Variants in ANKS1B observed in about 807,000 individuals in gnomAD.
ANKS1B encodes the protein ankyrin repeat and sterile alpha motif domain containing 1B.
In ANKS1B, 36 loss-of-function variants were observed where a neutral mutation model predicts 148.3. That is an observed-to-expected ratio of 0.24 (90% CI 0.19 to 0.32). The LOEUF (loss-of-function observed/expected upper bound fraction) is 0.32, where lower values mean the gene tolerates loss of function less well. Among genes scored for constraint, ANKS1B ranks in the 10% least tolerant of loss-of-function variants. ANKS1B has a pLI of 1.00. For synonymous variants in ANKS1B, 542 were observed against 560.8 expected, an observed-to-expected ratio of 0.97 and a Z score of 0.47; for missense variants, 1,157 against 1,542.6, an observed-to-expected ratio of 0.75 and a Z score of 4.19.
At chr12:99,877,611 T>C (rs1187947739) in intron 1 of ANKS1B, among the ~76,000 whole-genome samples, 1 of 152,262 alleles carries the variant, frequency 6.6e-6, no homozygotes, top group Admixed American at 6.5e-5. Flanking sequence ...ATTTTAACAA[T>C]GTAAACAATT....
At chr12:98,933,199 TTGACAATTTCAGATG>T (rs2099815282) in intron 17 of ANKS1B, among the ~76,000 whole-genome samples, 1 of 152,186 alleles carries the variant, frequency 6.6e-6, no homozygotes, top group Non-Finnish European at 1.5e-5. Context: ...TTCTATGAGT[TTGACAATTTCAGATG>T]CCTTACACAA....
intron 12 of ANKS1B, among the ~76,000 whole-genome samples, chr12:99,319,933 T>C (rs2084917935): frequency 6.6e-6 from 1 of 152,224 alleles, no homozygotes. Flanking sequence ...AAGGATTTTA[T>C]TTATCCTTCA....
chr12:99,369,845 G>GATAGAT (rs1382454555), intron 12 of ANKS1B, among the ~76,000 whole-genome samples: 5 of 134,760 alleles, frequency 3.7e-5, no homozygotes, highest in Non-Finnish European at 6.4e-5. Flanking sequence ...CAGACAGACA[G>GATAGAT]AGACAGATAG....
At position 99,484,718 on chromosome 12, in the gene ANKS1B, G is replaced by A. The variant is rs372784946; in HGVS notation, c.1438+19758C>T. Among the ~76,000 whole-genome samples the A allele has an allele frequency of 2.7e-5, 4 of 146,368 alleles. No homozygotes were observed. In the East Asian group the frequency reaches 8.0e-4, roughly 29 times the overall value. Reference sequence around the variant, plus strand: ...GATGGTAATATCTTTTTGCTGGGTTGACCCTTTTATCATTATATAGTGACC... The same window carrying A: ...GATGGTAATATCTTTTTGCTGGGTTAACCCTTTTATCATTATATAGTGACC... On this transcript the variant is annotated intron_variant, in intron 10 of 26. Coordinates refer to ENST00000683438, the MANE Select transcript of ANKS1B (RefSeq NM_001352186.2).
chr12:99,465,550 C>T (rs940885475), intron 10 of ANKS1B, among the ~76,000 whole-genome samples: 1 of 151,948 alleles, frequency 6.6e-6, no homozygotes, highest in Non-Finnish European at 1.5e-5. Flanking sequence ...GGAAACCCAT[C>T]TCACGTGCAG....
At chr12:99,550,093 C>T (rs962105915) in intron 9 of ANKS1B, among the ~76,000 whole-genome samples, 5 of 152,184 alleles carry the variant, frequency 3.3e-5, no homozygotes, top group Non-Finnish European at 5.9e-5. Flanking sequence ...CTTTTACCCT[C>T]GCCTTCCCTT....
At chr12:99,318,299 C>T (rs1222176568) in intron 12 of ANKS1B, among the ~76,000 whole-genome samples, 1 of 152,120 alleles carries the variant, frequency 6.6e-6, no homozygotes, top group Admixed American at 6.6e-5. Flanking sequence ...TAGTCCTGGA[C>T]TTTTTTTGGT....
intron 4 of ANKS1B, among the ~76,000 whole-genome samples, chr12:99,794,841 T>C (rs917388860): frequency 2.6e-5 from 4 of 151,876 alleles, no homozygotes; most frequent in African/African-American, 7.2e-5. Context: ...TAAAAATAAA[T>C]AATTGTAACA....
At chr12:99,114,554 C>A (rs2060936211) in intron 15 of ANKS1B, among the ~76,000 whole-genome samples, 1 of 152,070 alleles carries the variant, frequency 6.6e-6, no homozygotes. Context: ...AAGTTTGAGA[C>A]CAGCTTGGCC....
intron 14 of ANKS1B, among the ~76,000 whole-genome samples, chr12:99,210,321 C>T (rs2153910597): frequency 6.6e-6 from 1 of 152,298 alleles, no homozygotes; most frequent in East Asian, 1.9e-4. Context: ...GATGCCAAAA[C>T]AAGACTCTGT....
chr12:99,100,677 A>T (rs769857077), intron 15 of ANKS1B, among the ~76,000 whole-genome samples: 2 of 152,158 alleles, frequency 1.3e-5, no homozygotes, highest in Non-Finnish European at 2.9e-5. Context: ...TTACAGGCAC[A>T]TGCCATCACG....
intron 9 of ANKS1B, among the ~76,000 whole-genome samples, chr12:99,510,163 G>A (rs1356740433): frequency 3.9e-5 from 6 of 151,976 alleles, no homozygotes; most frequent in African/African-American, 1.4e-4. Context: ...CTCTGATAGA[G>A]CTGTACGAAG....
chr12:99,157,533 T>C (rs892566888), intron 14 of ANKS1B, among the ~76,000 whole-genome samples: 3 of 152,154 alleles, frequency 2.0e-5, no homozygotes, highest in Non-Finnish European at 4.4e-5. Flanking sequence ...TAAATGATAT[T>C]GGAAATGCCT....
chr12:99,058,458 A>G (rs2041064218), intron 16 of ANKS1B, among the ~76,000 whole-genome samples: 1 of 151,978 alleles, frequency 6.6e-6, no homozygotes, highest in Middle Eastern at 3.2e-3. Context: ...CGTGTTGCCC[A>G]GGCTGGTCTC....
intron 17 of ANKS1B, among the ~76,000 whole-genome samples, chr12:98,896,737 T>C (rs1305786535): frequency 6.6e-6 from 1 of 152,222 alleles, no homozygotes; most frequent in Non-Finnish European, 1.5e-5. Context: ...GGAGGCATGT[T>C]TGACTATCTT....
Position 99,962,809 on chromosome 12 carries a change from GC to G in ANKS1B, c.134+21294del, listed in dbSNP as rs1328500590. On this transcript the variant is annotated intron_variant, in intron 1 of 26. Coordinates refer to ENST00000683438, the MANE Select transcript of ANKS1B (RefSeq NM_001352186.2). ...TTTCTCTAATGATCAGTGATGTTGA[GC>G]TTTTTTTTTTTTTTTTTTTTTGAGA... is the stretch of plus-strand genomic sequence containing the variant. Among the ~76,000 whole-genome samples the G allele has an allele frequency of 5.9e-3, 852 of 144,814 alleles. 2 individuals carry two copies. The highest frequency in any genetic ancestry group is 0.01 in the Non-Finnish European group (679 of 66,034).
chr12:99,547,199 C>G (rs1455470713), intron 9 of ANKS1B, among the ~76,000 whole-genome samples: 1 of 152,052 alleles, frequency 6.6e-6, no homozygotes, highest in East Asian at 1.9e-4. Context: ...AGTCACCTAA[C>G]CAGTAAATAA....
At chr12:98,914,536 T>C (rs2099791442) in intron 17 of ANKS1B, among the ~76,000 whole-genome samples, 1 of 152,104 alleles carries the variant, frequency 6.6e-6, no homozygotes, top group South Asian at 2.1e-4. Flanking sequence ...CTAGGAGCCT[T>C]GATATTCTAC....
intron 2 of ANKS1B, among the ~76,000 whole-genome samples, 183 bp downstream of exon 2, chr12:99,825,126 C>A (rs767038949): frequency 2.0e-5 from 3 of 152,160 alleles, no homozygotes; most frequent in Non-Finnish European, 2.9e-5. Context: ...ACACTCTGCA[C>A]GCAATTATAC....
Sources: allele counts gnomAD v4.1 joint callset (sites outside exome capture counted in the v4.1 genomes callset), GRCh38; gene constraint gnomAD v4.1.1; transcripts MANE v1.5; gene names NCBI Gene and HGNC (gene_info 2026-07-23, HGNC 2026-07-21).